Variants in CNTN5 observed in about 807,000 individuals in gnomAD.
The protein encoded by CNTN5 is contactin-5.
A neutral mutation model predicts 129.1 loss-of-function variants in CNTN5; 77 were observed. The ratio of observed to expected loss-of-function variants is 0.60; its 90% CI spans 0.50 to 0.72. The LOEUF (loss-of-function observed/expected upper bound fraction) is 0.72. CNTN5 is among the 30% of genes least tolerant of loss of function. The probability of loss-of-function intolerance (pLI) is 0.00; values close to 1 mark genes in which losing one functional copy is unlikely to be tolerated. For missense variants in CNTN5, 1,478 were observed against 1,328.8 expected, an observed-to-expected ratio of 1.11 and a Z score of -1.75; for synonymous variants, 509 against 465.6, an observed-to-expected ratio of 1.09 and a Z score of -1.20.
intron 9 of CNTN5, among the ~76,000 whole-genome samples, chr11:100,035,304 ATT>A (rs1163600595): frequency 6.8e-6 from 1 of 146,168 alleles, no homozygotes; most frequent in Non-Finnish European, 1.5e-5. Context: ...TGAACTCATC[ATT>A]TTTTTATGGC....
intron 2 of CNTN5, among the ~76,000 whole-genome samples, chr11:99,426,032 C>T (rs1192896005): frequency 2.6e-5 from 4 of 152,218 alleles, no homozygotes; most frequent in Non-Finnish European, 4.4e-5. Flanking sequence ...AACAGAATCA[C>T]AGGAACCTCA....
chr11:100,346,067 C>T (rs1952271871), intron 23 of CNTN5, among the ~76,000 whole-genome samples: 1 of 152,104 alleles, frequency 6.6e-6, no homozygotes, highest in Admixed American at 6.6e-5. Context: ...TTCCCCAATT[C>T]AGAATCAACT....
intron 3 of CNTN5, among the ~76,000 whole-genome samples, chr11:99,749,919 A>G (rs1944176508): frequency 6.6e-6 from 1 of 152,186 alleles, no homozygotes; most frequent in South Asian, 2.1e-4. Flanking sequence ...TTCCCTTGAA[A>G]CAATGGGATG....
intron 1 of CNTN5, among the ~76,000 whole-genome samples, chr11:99,067,958 T>C (rs1270004970): frequency 6.6e-6 from 1 of 152,084 alleles, no homozygotes; most frequent in Non-Finnish European, 1.5e-5. Flanking sequence ...CTCGTGATAG[T>C]GAGTGAGTTA....
rs116735839 is a variant in CNTN5 at position 100,021,162 on chromosome 11, A to T, written c.980+19026A>T. On this transcript the variant is annotated intron_variant, in intron 9 of 24. Coordinates refer to ENST00000524871, the MANE Select transcript of CNTN5 (RefSeq NM_014361.4). ...TCTGTTATTAATTTCCATTTTAATT[A>T]CATTATGGTCAAATAACACACTTTT... 9.3e-3 allele frequency among the ~76,000 whole-genome samples: 1,421 copies of T among 152,234 alleles called. 20 individuals carry two copies. Among genetic ancestry groups the T allele is most frequent in the African/African-American group, 0.03 (1,228 of 41,528 alleles).
intron 3 of CNTN5, among the ~76,000 whole-genome samples, chr11:99,633,489 G>T (rs1453792987): frequency 2.6e-5 from 4 of 152,156 alleles, no homozygotes; most frequent in African/African-American, 9.7e-5. Flanking sequence ...TTATCAAGCA[G>T]CTTCTACAAG....
intron 4 of CNTN5, among the ~76,000 whole-genome samples, chr11:99,839,922 C>A (rs532728372): frequency 1.3e-5 from 2 of 151,536 alleles, no homozygotes; most frequent in African/African-American, 4.9e-5. Context: ...GGGAATAGAG[C>A]AAATGAGAAA....
intron 3 of CNTN5, among the ~76,000 whole-genome samples, chr11:99,795,241 T>C (rs111771959): frequency 3.0e-4 from 45 of 152,350 alleles, no homozygotes; most frequent in African/African-American, 1.1e-3. Context: ...TGTATTATGA[T>C]ATATTTGAAG....
chr11:99,784,635 T>G (rs1417929317), intron 3 of CNTN5, among the ~76,000 whole-genome samples: 3 of 152,100 alleles, frequency 2.0e-5, no homozygotes, highest in Non-Finnish European at 4.4e-5. Flanking sequence ...TCTAGATCCC[T>G]GAAGAATTGC....
intron 6 of CNTN5, among the ~76,000 whole-genome samples, chr11:99,869,604 A>G (rs574812720): frequency 1.3e-5 from 2 of 152,190 alleles, no homozygotes; most frequent in Non-Finnish European, 2.9e-5. Flanking sequence ...TTGTAAATAT[A>G]TAGCAGAAAC....
intron 9 of CNTN5, among the ~76,000 whole-genome samples, chr11:100,015,352 T>G (rs1455275743): frequency 2.0e-5 from 3 of 152,176 alleles, no homozygotes; most frequent in African/African-American, 7.2e-5. Context: ...TTCTAGCATG[T>G]TGAGTTGCCT....
chr11:100,184,052 T>C (rs1236472539), intron 13 of CNTN5, among the ~76,000 whole-genome samples: 1 of 152,124 alleles, frequency 6.6e-6, no homozygotes, highest in East Asian at 1.9e-4. Flanking sequence ...CACCCTTCAG[T>C]TCTCAGCTCA....
intron 7 of CNTN5, among the ~76,000 whole-genome samples, chr11:99,926,362 G>A (rs546215637): frequency 1.4e-4 from 21 of 152,194 alleles, no homozygotes; most frequent in Non-Finnish European, 2.5e-4. Flanking sequence ...TTAAGTGAAA[G>A]GGCATCAAGT....
intron 1 of CNTN5, among the ~76,000 whole-genome samples, chr11:99,192,193 A>T (rs1858679208): frequency 6.6e-6 from 1 of 151,798 alleles, no homozygotes; most frequent in Non-Finnish European, 1.5e-5. Flanking sequence ...TTGAAAAAAA[A>T]ATTACAATGG....
chr11:100,170,989 G>A (rs1403966111), intron 13 of CNTN5, among the ~76,000 whole-genome samples: 2 of 151,908 alleles, frequency 1.3e-5, no homozygotes, highest in Non-Finnish European at 2.9e-5. Context: ...ATGAGGCAGG[G>A]AATTAAAGGG....
intron 2 of CNTN5, among the ~76,000 whole-genome samples, chr11:99,395,338 C>T: frequency 6.6e-6 from 1 of 152,000 alleles, no homozygotes; most frequent in East Asian, 1.9e-4. Flanking sequence ...TGTATGTCTT[C>T]TTTTGAGAAG....
chr11:99,077,533 A>G (rs982063992), intron 1 of CNTN5, among the ~76,000 whole-genome samples: 2 of 152,184 alleles, frequency 1.3e-5, no homozygotes, highest in Non-Finnish European at 2.9e-5. Flanking sequence ...GAAAATGACC[A>G]AATTCTTATC....
At chr11:100,000,431 G>C (rs1939784597) in intron 8 of CNTN5, among the ~76,000 whole-genome samples, 1 of 152,136 alleles carries the variant, frequency 6.6e-6, no homozygotes, top group African/African-American at 2.4e-5. Flanking sequence ...TCACATGTAG[G>C]GCATGATGAT....
At chr11:99,896,534 A>G (rs1949211688) in intron 6 of CNTN5, among the ~76,000 whole-genome samples, 1 of 152,036 alleles carries the variant, frequency 6.6e-6, no homozygotes, top group Non-Finnish European at 1.5e-5. Flanking sequence ...GCCAAACAGA[A>G]CTCACTGACT....
Sources: allele counts gnomAD v4.1 joint callset (sites outside exome capture counted in the v4.1 genomes callset), GRCh38; gene constraint gnomAD v4.1.1; transcripts MANE v1.5; gene names NCBI Gene and HGNC (gene_info 2026-07-23, HGNC 2026-07-21).